PSMD7: variants seen among roughly 807,000 people sequenced by gnomAD.
The protein encoded by PSMD7 is proteasome 26S subunit, non-ATPase 7.
In PSMD7, 13 loss-of-function variants were observed where a neutral mutation model predicts 36.4. That is an observed-to-expected ratio of 0.36 (90% CI 0.23 to 0.57). The LOEUF (loss-of-function observed/expected upper bound fraction) is 0.57. PSMD7 is among the 20% of genes least tolerant of loss of function. The probability of loss-of-function intolerance (pLI) is 0.83; values close to 1 mark genes in which losing one functional copy is unlikely to be tolerated. For missense variants in PSMD7, 298 were observed against 393.6 expected (o/e 0.76, Z 2.06); for synonymous variants, 186 against 151.0 (o/e 1.23, Z -1.70).
intron 1 of PSMD7, 64 bp downstream of exon 1, chr16:74,297,052 G>C: frequency 1.3e-6 from 2 of 1,556,920 alleles, no homozygotes; most frequent in South Asian, 2.3e-5. Flanking sequence ...GCACGCTGGA[G>C]ATGGCGCGGC....
intron 1 of PSMD7, among the ~76,000 whole-genome samples, chr16:74,298,084 G>A (rs1003765133): frequency 1.3e-5 from 2 of 151,062 alleles, no homozygotes; most frequent in Non-Finnish European, 2.9e-5. Flanking sequence ...CTTGAGCCCA[G>A]GAGTTCGAAG....
At chr16:74,299,185 C>T (rs1472603171) in intron 1 of PSMD7, among the ~76,000 whole-genome samples, 3 of 152,124 alleles carry the variant, frequency 2.0e-5, no homozygotes, top group Non-Finnish European at 2.9e-5. Context: ...TTAACAGTGG[C>T]TTTTGTCTTT....
intron 1 of PSMD7, among the ~76,000 whole-genome samples, chr16:74,298,953 A>C (rs1194722995): frequency 6.6e-6 from 1 of 152,148 alleles, no homozygotes; most frequent in Non-Finnish European, 1.5e-5. Flanking sequence ...GGTAGACCAA[A>C]ACAAAAGCCC....
Position 74,300,204 on chromosome 16 carries a change from C to A in PSMD7, c.164C>A (p.Ala55Glu). 1 of 1,612,270 alleles carries A rather than the reference C, an allele frequency of 6.2e-7. No individual in the cohort carries two copies. Among genetic ancestry groups the A allele is most frequent in the African/African-American group, 1.3e-5 (1 of 74,990 alleles). ...GTACTTGATGTATCGAACAGTTTTG[C>A]AGGTAAAAGACAAATTTTATGTTTT... ...KKVLDVSNSF[A>E]VPFDEDDKDD... The change falls in exon 2 of 7, where the codon GCA becomes GAA. Residue 55 changes from alanine to glutamate, a missense_variant and splice_region_variant. Physicochemically the swap from Ala to Glu is moderately radical, Grantham distance 107. Coordinates refer to ENST00000219313, the MANE Select transcript of PSMD7 (RefSeq NM_002811.5).
chr16:74,305,909 C>A lies in PSMD7; in HGVS notation c.*176C>A. The stretch of plus-strand genomic sequence containing the variant: ...TACGTGGAAGTGAATGGAGACTGAT[C>A]TCAAATCTGAACTGCAGCTTTCGCT... On this transcript the variant is annotated 3_prime_UTR_variant, in exon 7 of 7. Coordinates refer to ENST00000219313, the MANE Select transcript of PSMD7 (RefSeq NM_002811.5). The A allele has an allele frequency of 1.6e-6, 1 of 606,310 alleles. No homozygotes were observed. Among genetic ancestry groups the A allele is most frequent in the Non-Finnish European group, 2.4e-6 (1 of 410,916 alleles). The allele number at this position is 606,310 out of a possible 1,614,324, so 37.6% of individuals were successfully genotyped here.
chr16:74,300,662 A>T lies in PSMD7; in HGVS notation c.167-390A>T, dbSNP rs116838225. On this transcript the variant is annotated intron_variant, in intron 2 of 6. Transcript: ENST00000219313. The stretch of plus-strand genomic sequence containing the variant: ...ATGATTAAAGGAACAACAATAAAGA[A>T]GATGATACTGGATGACCTCTGGAGT... 8.5e-3 allele frequency among the ~76,000 whole-genome samples: 1,301 copies of T among 152,350 alleles called. 16 individuals carry two copies. The highest frequency in any genetic ancestry group is 0.03 in the African/African-American group (1,246 of 41,572).
chr16:74,304,668 G>T, intron 6 of PSMD7: 1 of 309,038 alleles, frequency 3.2e-6, no homozygotes, highest in Non-Finnish European at 6.1e-6. Flanking sequence ...AATGTTGACT[G>T]ACGGGAAGAG....
intron 1 of PSMD7, among the ~76,000 whole-genome samples, chr16:74,298,021 G>A (rs1163674519): frequency 2.0e-5 from 3 of 152,070 alleles, no homozygotes; most frequent in Admixed American, 2.0e-4. Flanking sequence ...GGCCGAGCAT[G>A]GTGGCTCACG....
intron 3 of PSMD7, 137 bp from the exon 4 acceptor site, chr16:74,301,418 T>C: frequency 3.0e-6 from 2 of 666,292 alleles, no homozygotes; most frequent in Non-Finnish European, 5.1e-6. Flanking sequence ...CATTAGAGTT[T>C]TAGTACCACC....
At chr16:74,303,804 C>T (rs567685585) in intron 5 of PSMD7, among the ~76,000 whole-genome samples, 2 of 151,956 alleles carry the variant, frequency 1.3e-5, no homozygotes, top group East Asian at 1.9e-4. Context: ...TCACTGCACC[C>T]TCCACCTCCC....
At chr16:74,297,046 G>A in intron 1 of PSMD7, 58 bp downstream of exon 1, 2 of 1,562,778 alleles carry the variant, frequency 1.3e-6, no homozygotes, top group South Asian at 1.2e-5. Flanking sequence ...TCACGGGCAC[G>A]CTGGAGATGG....
intron 4 of PSMD7, among the ~76,000 whole-genome samples, 177 bp from the exon 5 acceptor site, chr16:74,302,035 T>C (rs1441635926): frequency 3.3e-5 from 5 of 152,178 alleles, no homozygotes; most frequent in Non-Finnish European, 7.3e-5. Context: ...ATGAAGGGGA[T>C]CGAAAAGCAG....
In PSMD7 at chr16:74,301,054, C is replaced by A; in HGVS notation, c.169C>A (p.Pro57Thr). The change falls in exon 3 of 7, where the codon CCT becomes ACT. Residue 57 changes from proline (P) to threonine (T), a missense_variant and splice_region_variant. By Grantham distance (38) the Pro-to-Thr change is conservative (BLOSUM62 -1). Transcript: ENST00000219313. Reference sequence around the variant, plus strand: ...CTAACTTTTTTTTTCCTCTTTAGTTCCTTTTGATGAAGATGACAAAGACGA... The same window carrying A: ...CTAACTTTTTTTTTCCTCTTTAGTTACTTTTGATGAAGATGACAAAGACGA... Reference protein sequence around the residue: ...VLDVSNSFAVPFDEDDKDDSV... With the variant: ...VLDVSNSFAVTFDEDDKDDSV... The A allele has an allele frequency of 6.2e-7, 1 of 1,605,380 alleles. No homozygotes were observed. Among genetic ancestry groups the A allele is most frequent in the South Asian group, 1.1e-5 (1 of 90,474 alleles).
chr16:74,297,302 G>T (rs887683637), intron 1 of PSMD7, among the ~76,000 whole-genome samples: 10 of 152,336 alleles, frequency 6.6e-5, no homozygotes, highest in African/African-American at 2.2e-4. Flanking sequence ...CTGGGGGTCG[G>T]GAGATGCGGC....
Position 74,300,193 on chromosome 16 carries a change from G to T in PSMD7, c.153G>T (p.Ser51=). Residue 51 remains serine, a synonymous_variant, in exon 2 of 7, where the codon TCG becomes TCT. Transcript: ENST00000219313. ...GGCAAAAGAAAGTACTTGATGTATCGAACAGTTTTGCAGGTAAAAGACAAA... is the reference window on the plus strand; with the variant it reads ...GGCAAAAGAAAGTACTTGATGTATCTAACAGTTTTGCAGGTAAAAGACAAA... ...GSWQKKVLDV[S]NSFAVPFDED... 6.2e-7 allele frequency: 1 copy of T among 1,613,896 alleles called. No homozygotes were observed. The highest frequency in any genetic ancestry group is 8.5e-7 in the Non-Finnish European group (1 of 1,179,812).
intron 1 of PSMD7, among the ~76,000 whole-genome samples, chr16:74,298,015 G>A (rs1416185716): frequency 6.6e-6 from 1 of 151,926 alleles, no homozygotes; most frequent in African/African-American, 2.4e-5. Flanking sequence ...ACACGAGGCC[G>A]AGCATGGTGG....
chr16:74,305,202 A>G, intron 6 of PSMD7, 87 bp from the exon 7 acceptor site: 1 of 1,439,184 alleles, frequency 6.9e-7, no homozygotes, highest in Non-Finnish European at 9.1e-7. Flanking sequence ...CAACAAAGCT[A>G]GGAATTTTCT....
intron 5 of PSMD7, among the ~76,000 whole-genome samples, chr16:74,302,783 A>G (rs926919564): frequency 5.3e-5 from 8 of 152,206 alleles, no homozygotes; most frequent in African/African-American, 1.7e-4. Context: ...TACAAATGAA[A>G]AGTTTAAGGG....
rs1267106127 is a variant in PSMD7 at position 74,300,220 on chromosome 16, T to G, written c.166+14T>G. On this transcript the variant is annotated intron_variant, in intron 2 of 6. Coordinates refer to ENST00000219313, the MANE Select transcript of PSMD7 (RefSeq NM_002811.5). ...ACAGTTTTGCAGGTAAAAGACAAAT[T>G]TTATGTTTTTCCGAGCATGATTAAA... 3.7e-6 allele frequency: 6 copies of G among 1,602,400 alleles called. No individual in the cohort carries two copies. In the Admixed American group the frequency reaches 6.7e-5, roughly 18 times the overall value.
Sources: gnomAD v4.1 joint callset for allele counts (sites outside exome capture counted in the v4.1 genomes callset) on GRCh38, gnomAD v4.1.1 for gene constraint, MANE v1.5 for transcripts, NCBI Gene and HGNC (gene_info 2026-07-23, HGNC 2026-07-21) for gene names.